Variants in FSTL5 observed in about 807,000 individuals in gnomAD.
FSTL5 encodes follistatin-related protein 5.
FSTL5 carries 62 observed loss-of-function variants against 89.1 expected under a neutral mutation model. The ratio of observed to expected loss-of-function variants is 0.70; its 90% CI spans 0.57 to 0.86. The LOEUF (loss-of-function observed/expected upper bound fraction) is 0.86. Among genes scored for constraint, FSTL5 ranks in the 40% least tolerant of loss-of-function variants. FSTL5 has a pLI of 0.00. For synonymous variants in FSTL5, 383 were observed against 346.2 expected (o/e 1.11, Z -1.18); for missense variants, 1,057 against 1,001.6 (o/e 1.06, Z -0.75).
At chr4:161,528,087 T>C (rs564311751) in intron 10 of FSTL5, among the ~76,000 whole-genome samples, 7 of 141,388 alleles carry the variant, frequency 5.0e-5, no homozygotes, top group African/African-American at 8.0e-5. Flanking sequence ...TAGGTGGGAA[T>C]TGAACAATGA....
At chr4:161,409,310 C>T (rs895308497) in intron 15 of FSTL5, among the ~76,000 whole-genome samples, 1 of 152,102 alleles carries the variant, frequency 6.6e-6, no homozygotes, top group African/African-American at 2.4e-5. Context: ...TCCTGCCAAA[C>T]TAAGCATCTT....
intron 6 of FSTL5, among the ~76,000 whole-genome samples, chr4:161,749,759 T>C (rs1199678973): frequency 2.0e-5 from 3 of 151,280 alleles, no homozygotes; most frequent in Non-Finnish European, 2.9e-5. Flanking sequence ...GCCACTGCAC[T>C]CCAGCCTGGG....
intron 4 of FSTL5, among the ~76,000 whole-genome samples, chr4:161,829,644 T>C (rs1460847191): frequency 2.6e-5 from 4 of 152,106 alleles, no homozygotes; most frequent in African/African-American, 9.7e-5. Context: ...ATAATCTGTT[T>C]GGCTACTATG....
intron 15 of FSTL5, among the ~76,000 whole-genome samples, chr4:161,433,799 C>T (rs188627734): frequency 6.6e-6 from 1 of 151,788 alleles, no homozygotes; most frequent in Non-Finnish European, 1.5e-5. Context: ...GAAAATTATC[C>T]CATATATAAT....
intron 4 of FSTL5, among the ~76,000 whole-genome samples, chr4:161,790,568 C>G (rs1470197672): frequency 6.6e-6 from 1 of 152,156 alleles, no homozygotes; most frequent in East Asian, 1.9e-4. Context: ...GGGGATTTTT[C>G]ATGAGGATGC....
intron 15 of FSTL5, among the ~76,000 whole-genome samples, chr4:161,409,148 A>C (rs1480540862): frequency 6.6e-6 from 1 of 152,098 alleles, no homozygotes; most frequent in East Asian, 1.9e-4. Flanking sequence ...AAAAACTCTT[A>C]AAGGCAGCTA....
At chr4:161,869,444 T>C (rs1445088134) in intron 4 of FSTL5, among the ~76,000 whole-genome samples, 1 of 152,294 alleles carries the variant, frequency 6.6e-6, no homozygotes, top group South Asian at 2.1e-4. Context: ...AAAATGAGAA[T>C]AATACCACTG....
At chr4:162,021,201 T>C (rs915178153) in intron 3 of FSTL5, among the ~76,000 whole-genome samples, 1 of 152,118 alleles carries the variant, frequency 6.6e-6, no homozygotes, top group African/African-American at 2.4e-5. Context: ...TGGCTACTAC[T>C]AGGCAACTGC....
At chr4:161,720,989 A>T (rs1352120704) in intron 6 of FSTL5, among the ~76,000 whole-genome samples, 2 of 151,956 alleles carry the variant, frequency 1.3e-5, no homozygotes, top group East Asian at 1.9e-4. Context: ...TATACTTAAA[A>T]TTTTTCTGGC....
At position 161,869,209 on chromosome 4, in the gene FSTL5, A is replaced by T. The variant is rs932784380; in HGVS notation, c.409+51195T>A. Among the ~76,000 whole-genome samples the T allele has an allele frequency of 1.2e-4, 18 of 152,218 alleles. 1 individual carries two copies. Among genetic ancestry groups the T allele is most frequent in the Non-Finnish European group, 2.6e-4 (18 of 68,042 alleles). ...AAGACTCCGTCTCAAAAATAAATAA[A>T]TAAAGAAATAAATAATGCATATCTC... is the stretch of plus-strand genomic sequence containing the variant. On this transcript the variant is annotated intron_variant, in intron 4 of 15. Transcript: ENST00000306100.
intron 1 of FSTL5, among the ~76,000 whole-genome samples, chr4:162,141,865 ACAGGTAGAAAGAAGTG>A (rs777480864): frequency 0.22 from 33,270 of 148,916 alleles, 3,975 homozygotes; most frequent in Non-Finnish European, 0.25. Context: ...GGAAGTGTAC[ACAGGTAGAAAGAAGTG>A]TACACAGGTA....
At chr4:161,558,611 C>T (rs923807344) in intron 8 of FSTL5, among the ~76,000 whole-genome samples, 1 of 151,808 alleles carries the variant, frequency 6.6e-6, no homozygotes, top group African/African-American at 2.4e-5. Flanking sequence ...TGCGTCCACA[C>T]CGTTCTGGTT....
At chr4:161,556,662 G>C (rs1204826276) in intron 8 of FSTL5, among the ~76,000 whole-genome samples, 1 of 151,308 alleles carries the variant, frequency 6.6e-6, no homozygotes, top group Non-Finnish European at 1.5e-5. Context: ...CTTTTCAACA[G>C]AGTAGATGAT....
chr4:161,473,177 T>C (rs1027354542), intron 13 of FSTL5, among the ~76,000 whole-genome samples: 1 of 152,184 alleles, frequency 6.6e-6, no homozygotes, highest in African/African-American at 2.4e-5. Flanking sequence ...TGTTGGTTTA[T>C]TGTGATAAGT....
At chr4:162,141,920 T>C (rs1332062208) in intron 1 of FSTL5, among the ~76,000 whole-genome samples, 6 of 122,562 alleles carry the variant, frequency 4.9e-5, no homozygotes, top group African/African-American at 1.7e-4. Flanking sequence ...TAGAAAAAAG[T>C]GTACACAGGT....
At chr4:161,434,996 TG>T (rs1314564873) in intron 15 of FSTL5, among the ~76,000 whole-genome samples, 3 of 152,110 alleles carry the variant, frequency 2.0e-5, no homozygotes, top group Non-Finnish European at 4.4e-5. Context: ...GAAAATCCAC[TG>T]TGGGGAATAG....
chr4:161,698,898 C>T (rs948467301), intron 6 of FSTL5, among the ~76,000 whole-genome samples: 20 of 151,886 alleles, frequency 1.3e-4, no homozygotes, highest in African/African-American at 4.4e-4. Context: ...TGCAGTGAGC[C>T]GAGATCATGC....
intron 1 of FSTL5, among the ~76,000 whole-genome samples, chr4:162,118,565 A>G (rs1041495084): frequency 7.9e-5 from 12 of 152,120 alleles, no homozygotes; most frequent in Admixed American, 6.6e-4. Flanking sequence ...GTTTTATAAG[A>G]GCAATGGATT....
At chr4:161,839,828 A>T (rs79972245) in intron 4 of FSTL5, among the ~76,000 whole-genome samples, 10,621 of 152,208 alleles carry the variant, frequency 0.07, 394 homozygotes, top group African/African-American at 0.093. Context: ...AAAGGACTAA[A>T]CACTTAAATC....
Sources: gnomAD v4.1 joint callset for allele counts (sites outside exome capture counted in the v4.1 genomes callset) on GRCh38, gnomAD v4.1.1 for gene constraint, MANE v1.5 for transcripts, NCBI Gene and HGNC (gene_info 2026-07-23, HGNC 2026-07-21) for gene names.